EYS: variants seen among roughly 807,000 people sequenced by gnomAD.
The protein encoded by EYS is EGF-like photoreceptor maintenance factor, also known as protein eyes shut homolog.
A neutral mutation model predicts 282.1 loss-of-function variants in EYS; 250 were observed. The ratio of observed to expected loss-of-function variants is 0.89; its 90% CI spans 0.80 to 0.98. The LOEUF (loss-of-function observed/expected upper bound fraction) is 0.98, where lower values mean the gene tolerates loss of function less well. Ranked by LOEUF, EYS falls within the 50% of genes least tolerant of loss-of-function variation. The pLI is 0.00. For synonymous variants in EYS, 1,355 were observed against 1,282.9 expected (o/e 1.06, Z -1.20); for missense variants, 4,016 against 3,709.0 (o/e 1.08, Z -2.15).
intron 7 of EYS, among the ~76,000 whole-genome samples, chr6:65,392,414 T>C (rs1766079353): frequency 6.6e-6 from 1 of 152,070 alleles, no homozygotes; most frequent in African/African-American, 2.4e-5. Flanking sequence ...ATTTTCGCAA[T>C]CTACTCATCT....
chr6:64,474,438 A>G (rs1776206577), intron 26 of EYS, among the ~76,000 whole-genome samples: 1 of 152,178 alleles, frequency 6.6e-6, no homozygotes, highest in African/African-American at 2.4e-5. Context: ...CTTTGTTCAT[A>G]AAGATTATTG....
chr6:64,492,468 TTTTGTTG>T (rs1776768215), intron 26 of EYS, among the ~76,000 whole-genome samples: 1 of 150,812 alleles, frequency 6.6e-6, no homozygotes, highest in Admixed American at 6.6e-5. Context: ...GGTCCTGTTT[TTTTGTTG>T]TTGTTGTTGT....
chr6:65,241,035 A>G (rs1767045773), intron 12 of EYS, among the ~76,000 whole-genome samples: 1 of 152,130 alleles, frequency 6.6e-6, no homozygotes, highest in Non-Finnish European at 1.5e-5. Context: ...TATTTTTCTA[A>G]TTATTTCATT....
At chr6:65,461,309 C>G (rs1334423874) in intron 5 of EYS, among the ~76,000 whole-genome samples, 1 of 152,086 alleles carries the variant, frequency 6.6e-6, no homozygotes, top group Non-Finnish European at 1.5e-5. Flanking sequence ...TAGAGCCTAG[C>G]TCCATTACAT....
In EYS at chr6:64,785,896, T is replaced by A. The variant is rs148677530; in HGVS notation, c.3443+27482A>T. ...CCAGGTTAACCCAGACCCAACTGAA[T>A]CTTTCAAAATGTCAGTAAATACTTC... On this transcript the variant is annotated intron_variant, in intron 22 of 42. Transcript: ENST00000503581. Among the ~76,000 whole-genome samples the A allele has an allele frequency of 8.0e-4, 122 of 152,288 alleles. No homozygotes were observed. The Middle Eastern group carries it at 0.01, about 13-fold the overall frequency.
intron 28 of EYS, among the ~76,000 whole-genome samples, chr6:64,429,742 C>T (rs925956044): frequency 6.6e-6 from 1 of 152,102 alleles, no homozygotes; most frequent in African/African-American, 2.4e-5. Flanking sequence ...GATGAAATTT[C>T]ACTCCTACTC....
chr6:63,854,037 A>G (rs1255509603), intron 36 of EYS, among the ~76,000 whole-genome samples: 1 of 152,212 alleles, frequency 6.6e-6, no homozygotes, highest in East Asian at 1.9e-4. Flanking sequence ...CTTGTGGAAG[A>G]CAGTGTGGTG....
intron 12 of EYS, among the ~76,000 whole-genome samples, chr6:65,280,253 T>C (rs1349463235): frequency 6.6e-6 from 1 of 152,134 alleles, no homozygotes; most frequent in African/African-American, 2.4e-5. Flanking sequence ...ATCCCTTCAC[T>C]CAGCCCCTCC....
chr6:64,330,979 C>A (rs1182812852), intron 29 of EYS, among the ~76,000 whole-genome samples: 1 of 152,058 alleles, frequency 6.6e-6, no homozygotes, highest in Non-Finnish European at 1.5e-5. Context: ...AAGGACCAGC[C>A]CTTAAAATAC....
At chr6:65,672,049 T>G (rs1284593012) in intron 1 of EYS, among the ~76,000 whole-genome samples, 1 of 152,104 alleles carries the variant, frequency 6.6e-6, no homozygotes, top group Non-Finnish European at 1.5e-5. Context: ...TGACAGGAAT[T>G]TGAATGCTCT....
At chr6:64,094,984 T>G (rs1039421117) in intron 31 of EYS, among the ~76,000 whole-genome samples, 1 of 152,210 alleles carries the variant, frequency 6.6e-6, no homozygotes, top group Admixed American at 6.5e-5. Flanking sequence ...AAAGGACATC[T>G]TTATTTCTGC....
chr6:64,129,025 A>G (rs1430416930), intron 31 of EYS, among the ~76,000 whole-genome samples: 2 of 152,108 alleles, frequency 1.3e-5, no homozygotes, highest in Non-Finnish European at 2.9e-5. Flanking sequence ...AGTCTTGCCC[A>G]CTGCCTGTTT....
intron 31 of EYS, among the ~76,000 whole-genome samples, chr6:64,131,486 A>G (rs1773978213): frequency 2.0e-5 from 3 of 152,188 alleles, no homozygotes; most frequent in Admixed American, 2.0e-4. Flanking sequence ...TAGGCTGTAC[A>G]GCCTCACATT....
rs531044192 is a variant in EYS at position 64,465,059 on chromosome 6, G to T, written c.5645-25707C>A. 5.9e-5 allele frequency among the ~76,000 whole-genome samples: 9 copies of T among 151,746 alleles called. No homozygotes were observed. The South Asian group carries it at 1.9e-3, about 32-fold the overall frequency. ...ACTTAGGAGTAAATTTAATAAAAGA[G>T]ATAAAAGACCTGTACATTGAAAACA... is the stretch of plus-strand genomic sequence containing the variant. On this transcript the variant is annotated intron_variant, in intron 26 of 42. Transcript: ENST00000503581.
chr6:64,820,270 C>G (rs9354158), intron 21 of EYS, among the ~76,000 whole-genome samples: 12,547 of 151,956 alleles, frequency 0.083, 791 homozygotes, highest in East Asian at 0.33. Flanking sequence ...AATCTAGAAT[C>G]ACATAGGTAG....
chr6:63,793,016 A>G (rs1770555857), intron 37 of EYS, among the ~76,000 whole-genome samples: 5 of 152,210 alleles, frequency 3.3e-5, no homozygotes, highest in Admixed American at 2.6e-4. Flanking sequence ...GAGTTCAGTG[A>G]TAACGCAAAA....
intron 22 of EYS, among the ~76,000 whole-genome samples, chr6:64,640,329 A>C (rs1582985522): frequency 6.6e-6 from 1 of 151,702 alleles, no homozygotes; most frequent in African/African-American, 2.4e-5. Context: ...CAAATGTCCA[A>C]CAATGATAGA....
At chr6:65,365,104 A>G (rs999907394) in intron 8 of EYS, among the ~76,000 whole-genome samples, 2 of 151,736 alleles carry the variant, frequency 1.3e-5, no homozygotes, top group African/African-American at 2.4e-5. Context: ...TCAGCCAACT[A>G]TCAATCTAGG....
In EYS at chr6:64,066,175, G is replaced by A. The variant is rs570915001; in HGVS notation, c.6725+163C>T. Among the ~76,000 whole-genome samples the A allele has an allele frequency of 4.9e-3, 742 of 152,278 alleles. 7 individuals are homozygous for A. The highest frequency in any genetic ancestry group is 0.017 in the African/African-American group (711 of 41,560). On this transcript the variant is annotated intron_variant, in intron 33 of 42. Transcript: ENST00000503581. ...ATCTGTAGTCCCAACTACTTGGGGAGGTTGAGGCAGGAGAATCGCTTGAAC... is the reference window on the plus strand; with the variant it reads ...ATCTGTAGTCCCAACTACTTGGGGAAGTTGAGGCAGGAGAATCGCTTGAAC...
Sources: allele counts gnomAD v4.1 joint callset (sites outside exome capture counted in the v4.1 genomes callset), GRCh38; gene constraint gnomAD v4.1.1; transcripts MANE v1.5; gene names NCBI Gene and HGNC (gene_info 2026-07-23, HGNC 2026-07-21).